Variants in ATP9A observed in about 807,000 individuals in gnomAD.
ATP9A encodes probable phospholipid-transporting ATPase IIA.
In ATP9A, 52 loss-of-function variants were observed where a neutral mutation model predicts 144.1. That is an observed-to-expected ratio of 0.36 (90% CI 0.29 to 0.45). The LOEUF (loss-of-function observed/expected upper bound fraction) is 0.45. Among genes scored for constraint, ATP9A ranks in the 20% least tolerant of loss-of-function variants. ATP9A has a pLI of 1.00. For synonymous variants in ATP9A, 582 were observed against 557.4 expected (o/e 1.04, Z -0.62); for missense variants, 947 against 1,392.7 (o/e 0.68, Z 5.09).
intron 9 of ATP9A, among the ~76,000 whole-genome samples, chr20:51,684,258 A>T (rs949549605): frequency 6.6e-6 from 1 of 152,226 alleles, no homozygotes; most frequent in African/African-American, 2.4e-5. Flanking sequence ...AATGAGACCA[A>T]GTGAAACAGT....
At chr20:51,729,999 C>T (rs62226743) in intron 1 of ATP9A, 21 bp from the exon 2 acceptor site, 36,244 of 1,509,852 alleles carry the variant, frequency 0.024, 1,126 homozygotes, top group African/African-American at 0.15. Context: ...GAAACCCACG[C>T]ATCAAGGCCA....
chr20:51,761,909 C>T (rs1216099067), intron 1 of ATP9A, among the ~76,000 whole-genome samples: 1 of 152,116 alleles, frequency 6.6e-6, no homozygotes, highest in East Asian at 1.9e-4. Context: ...AGGCTCCAAC[C>T]GAGTCCGTTT....
intron 1 of ATP9A, among the ~76,000 whole-genome samples, chr20:51,738,376 G>A (rs2077771309): frequency 6.6e-6 from 1 of 152,108 alleles, no homozygotes; most frequent in African/African-American, 2.4e-5. Flanking sequence ...CATATAGATT[G>A]GGGCAAGTAG....
At chr20:51,743,994 A>G (rs113862569) in intron 1 of ATP9A, among the ~76,000 whole-genome samples, 15,850 of 150,902 alleles carry the variant, frequency 0.11, 1,391 homozygotes, top group African/African-American at 0.25. Context: ...GTGACAGAGT[A>G]AGACTCCATC....
intron 1 of ATP9A, among the ~76,000 whole-genome samples, chr20:51,760,273 G>A (rs1210255664): frequency 4.2e-5 from 6 of 144,274 alleles, no homozygotes; most frequent in African/African-American, 7.3e-5. Context: ...TTAAATATGC[G>A]GTTTTTAAAA....
rs1568821462 is a variant in ATP9A at position 51,689,047 on chromosome 20, T to C, written c.799+17A>G. 2 of 1,613,098 alleles carry C rather than the reference T, an allele frequency of 1.2e-6. No individual in the cohort carries two copies. The highest frequency in any genetic ancestry group is 2.7e-5 in the African/African-American group (2 of 75,006). ...CCTTTTCAAATTGCTACCACATTCC[T>C]CAAAACGGCGCCTCACCTGATGCGA... On this transcript the variant is annotated intron_variant, in intron 9 of 27. Transcript: ENST00000338821.
chr20:51,768,215 C>A, intron 1 of ATP9A, 87 bp downstream of exon 1: 1 of 900,524 alleles, frequency 1.1e-6, no homozygotes. Context: ...CGGCGCGCGG[C>A]CAACCTGTCA....
At chr20:51,635,850 A>G in intron 15 of ATP9A, among the ~76,000 whole-genome samples, 1 of 99,898 alleles carries the variant, frequency 1.0e-5, no homozygotes, top group Non-Finnish European at 2.1e-5. Flanking sequence ...GGGAAAAAGG[A>G]AGGAAGGAGG....
At position 51,600,182 on chromosome 20, in the gene ATP9A, GC is replaced by G. The variant is rs1287448275; in HGVS notation, c.*1028del. On this transcript the variant is annotated 3_prime_UTR_variant, in exon 28 of 28. Transcript: ENST00000338821. ...CAGTGTTGTTCCGAAAGATGCCTCT[GC>G]CTTTGTGGGGTCATCTTCCATTATG... The G allele has an allele frequency of 6.6e-6, 1 of 152,210 alleles. No homozygotes were observed. The highest frequency in any genetic ancestry group is 1.5e-5 in the Non-Finnish European group (1 of 68,060). 9.4% of individuals were successfully genotyped at this position (152,210 alleles called of 1,614,324 possible).
Position 51,739,575 on chromosome 20 carries a change from C to T in ATP9A, c.69-9597G>A, listed in dbSNP as rs149369820. 8.5e-4 allele frequency among the ~76,000 whole-genome samples: 129 copies of T among 151,886 alleles called. 2 individuals carry two copies. Among genetic ancestry groups the T allele is most frequent in the Middle Eastern group, 6.8e-3 (2 of 292 alleles). ...TTCACCTTGTTAGCCAGGATGGTCTCGATCTCCTGACCTCACCTACACTCA... is the reference window on the plus strand; with the variant it reads ...TTCACCTTGTTAGCCAGGATGGTCTTGATCTCCTGACCTCACCTACACTCA... On this transcript the variant is annotated intron_variant, in intron 1 of 27. Transcript: ENST00000338821.
chr20:51,637,756 A>T (rs1370929508), intron 15 of ATP9A, among the ~76,000 whole-genome samples: 1 of 150,356 alleles, frequency 6.7e-6, no homozygotes, highest in African/African-American at 2.4e-5. Context: ...TGGTTATATG[A>T]GTAAGTTTTT....
chr20:51,613,577 A>G (rs949450524), intron 23 of ATP9A, 100 bp downstream of exon 23: 4 of 1,266,100 alleles, frequency 3.2e-6, no homozygotes, highest in African/African-American at 1.5e-5. Context: ...TTCCATGATA[A>G]TTACATAGCC....
intron 4 of ATP9A, among the ~76,000 whole-genome samples, chr20:51,706,356 T>TA (rs1217711757): frequency 1.3e-5 from 2 of 152,248 alleles, no homozygotes; most frequent in African/African-American, 4.8e-5. Flanking sequence ...GCTTTTCCTC[T>TA]ATTTTGTTAT....
chr20:51,653,817 G>A (rs6067877), intron 14 of ATP9A, among the ~76,000 whole-genome samples: 2 of 151,454 alleles, frequency 1.3e-5, no homozygotes, highest in Non-Finnish European at 2.9e-5. Context: ...TGTAGTCCCA[G>A]CACTATGGGA....
intron 1 of ATP9A, among the ~76,000 whole-genome samples, chr20:51,751,887 C>T (rs2122904708): frequency 6.6e-6 from 1 of 152,166 alleles, no homozygotes; most frequent in South Asian, 2.1e-4. Context: ...CGCGCCCGGC[C>T]GCTCCTCTTC....
Position 51,604,798 on chromosome 20 carries a change from A to G in ATP9A, c.3007+19T>C, listed in dbSNP as rs1395770895. On this transcript the variant is annotated intron_variant, in intron 27 of 27. Transcript: ENST00000338821. ...TCACTGGGGGTGACGGACGGGGTTT[A>G]AGCATTCAGGGGTCTTACCGATGAA... 2.7e-6 allele frequency: 4 copies of G among 1,468,360 alleles called. No individual in the cohort carries two copies. In the African/African-American group the frequency reaches 5.8e-5, roughly 21 times the overall value. 91.0% of individuals were successfully genotyped at this position (1,468,360 alleles called of 1,614,324 possible).
intron 3 of ATP9A, among the ~76,000 whole-genome samples, chr20:51,714,302 C>A (rs1398486022): frequency 6.6e-6 from 1 of 152,174 alleles, no homozygotes; most frequent in African/African-American, 2.4e-5. Context: ...CCTGCCTCAG[C>A]CTCCGGAGTA....
At chr20:51,607,620 C>T (rs569981759) in intron 25 of ATP9A, 36 bp from the exon 26 acceptor site, 21 of 1,552,556 alleles carry the variant, frequency 1.4e-5, no homozygotes, top group African/African-American at 9.5e-5. Context: ...GAGCCGGTTT[C>T]GCGGGGGGCT....
chr20:51,654,099 C>T (rs566949606), intron 14 of ATP9A, among the ~76,000 whole-genome samples: 2 of 152,242 alleles, frequency 1.3e-5, no homozygotes, highest in Admixed American at 6.5e-5. Flanking sequence ...CCCTCCCTCC[C>T]CCTCTCTCTT....
Sources: allele counts gnomAD v4.1 joint callset (sites outside exome capture counted in the v4.1 genomes callset), GRCh38; gene constraint gnomAD v4.1.1; transcripts MANE v1.5; gene names NCBI Gene and HGNC (gene_info 2026-07-23, HGNC 2026-07-21).